AFF3: variants seen among roughly 807,000 people sequenced by gnomAD.
The protein encoded by AFF3 is ALF transcription elongation factor 3.
AFF3 carries 32 observed loss-of-function variants against 129.7 expected under a neutral mutation model. The observed-to-expected ratio is 0.25, with a 90% CI of 0.19 to 0.33. The LOEUF (loss-of-function observed/expected upper bound fraction) is 0.33. AFF3 is among the 10% of genes least tolerant of loss of function. The pLI is 1.00. For missense variants in AFF3, 1,373 were observed against 1,592.0 expected (o/e 0.86, Z 2.34); for synonymous variants, 644 against 635.4 (o/e 1.01, Z -0.20).
At position 100,093,959 on chromosome 2, in the gene AFF3, T is replaced by C. The variant is rs777018156; in HGVS notation, c.53+10443A>G. Among the ~76,000 whole-genome samples the C allele has an allele frequency of 5.3e-5, 8 of 152,258 alleles. No homozygotes were observed. The Middle Eastern group carries it at 0.014, about 259-fold the overall frequency. On this transcript the variant is annotated intron_variant, in intron 4 of 24. Coordinates refer to ENST00000672756, the MANE Select transcript of AFF3 (RefSeq NM_001386135.1). ...ATCAAAACAGAGGGCCTACTGCACA[T>C]AGACATAGATGTGAGTTGGAGTAGT...
chr2:100,117,126 C>A (rs893153950), intron 2 of AFF3, among the ~76,000 whole-genome samples: 8 of 152,064 alleles, frequency 5.3e-5, no homozygotes, highest in African/African-American at 1.7e-4. Context: ...TCATTTTATT[C>A]ATCTTATTTG....
chr2:99,973,552 TG>T (rs1167277046), intron 7 of AFF3, among the ~76,000 whole-genome samples: 1 of 152,212 alleles, frequency 6.6e-6, no homozygotes, highest in Non-Finnish European at 1.5e-5. Context: ...CACTTAAAAT[TG>T]GACTCAAATT....
chr2:100,104,697 C>A, intron 3 of AFF3, 179 bp from the exon 4 acceptor site: 2 of 968,044 alleles, frequency 2.1e-6, no homozygotes. Flanking sequence ...CAGGCACACT[C>A]AAGAGAGAGC....
rs766408265 is a variant in AFF3, at chr2:100,126,341, C to T, written c.-145+2883G>A. Among the ~76,000 whole-genome samples the T allele has an allele frequency of 1.1e-4, 16 of 152,258 alleles. No homozygotes were observed. The East Asian group carries it at 1.7e-3, about 17-fold the overall frequency. On this transcript the variant is annotated intron_variant, in intron 2 of 24. Transcript: ENST00000672756. ...TACTGGGCTCTCAGGAGCATGAGGC[C>T]GGGCCAGCTGCCAAGGATAATTGTA...
intron 19 of AFF3, 71 bp downstream of exon 19, chr2:99,568,781 A>G (rs1246327123): frequency 4.9e-6 from 7 of 1,428,300 alleles, no homozygotes; most frequent in Non-Finnish European, 6.9e-6. Context: ...CCCCAGCTAT[A>G]TTGTCCCAGT....
At chr2:99,945,472 G>A (rs922043178) in intron 7 of AFF3, among the ~76,000 whole-genome samples, 1 of 152,084 alleles carries the variant, frequency 6.6e-6, no homozygotes, top group Admixed American at 6.6e-5. Context: ...GCATCCCAGG[G>A]GCTCCCACCC....
intron 7 of AFF3, among the ~76,000 whole-genome samples, chr2:99,881,786 C>G (rs191559231): frequency 1.3e-5 from 2 of 152,268 alleles, no homozygotes; most frequent in Admixed American, 1.3e-4. Context: ...AATGGCTAAG[C>G]AAACACCAGT....
chr2:99,764,570 G>A (rs1459248439), intron 8 of AFF3, among the ~76,000 whole-genome samples: 2 of 151,868 alleles, frequency 1.3e-5, no homozygotes, highest in Admixed American at 6.6e-5. Context: ...TTTATTCTTC[G>A]ATCCACCTGG....
At chr2:99,875,820 T>C (rs1692253190) in intron 7 of AFF3, among the ~76,000 whole-genome samples, 1 of 152,182 alleles carries the variant, frequency 6.6e-6, no homozygotes. Context: ...GCATGCACTT[T>C]GACATTTACC....
chr2:99,603,548 T>C (rs1266587067), intron 13 of AFF3, among the ~76,000 whole-genome samples: 1 of 152,148 alleles, frequency 6.6e-6, no homozygotes, highest in African/African-American at 2.4e-5. Flanking sequence ...ACCTAGGCAA[T>C]ACCATTCAGG....
intron 13 of AFF3, among the ~76,000 whole-genome samples, chr2:99,614,000 A>G (rs1353511508): frequency 6.6e-6 from 1 of 152,218 alleles, no homozygotes; most frequent in Non-Finnish European, 1.5e-5. Context: ...ATAGCTTAGC[A>G]CATGTGGAAA....
chr2:100,038,652 C>T (rs561211807), intron 4 of AFF3, among the ~76,000 whole-genome samples: 3 of 151,874 alleles, frequency 2.0e-5, no homozygotes, highest in South Asian at 4.2e-4. Flanking sequence ...TGCCACATAA[C>T]GAAGCATTTA....
intron 8 of AFF3, among the ~76,000 whole-genome samples, chr2:99,790,459 A>G (rs1202831442): frequency 2.0e-5 from 3 of 152,238 alleles, no homozygotes; most frequent in Non-Finnish European, 4.4e-5. Flanking sequence ...TCTCTTTGCA[A>G]AGGAACCCTG....
intron 8 of AFF3, among the ~76,000 whole-genome samples, chr2:99,836,584 G>A (rs1453013715): frequency 6.6e-6 from 1 of 151,726 alleles, no homozygotes; most frequent in East Asian, 1.9e-4. Context: ...AAAACATCTG[G>A]CCTTTTAAAA....
At chr2:100,117,846 T>C (rs914815880) in intron 2 of AFF3, among the ~76,000 whole-genome samples, 11 of 152,244 alleles carry the variant, frequency 7.2e-5, no homozygotes, top group Admixed American at 3.3e-4. Context: ...TTTTAAAGTA[T>C]ACTGCAATCC....
chr2:99,714,270 A>C (rs1158144500), intron 11 of AFF3, among the ~76,000 whole-genome samples: 1 of 152,150 alleles, frequency 6.6e-6, no homozygotes, highest in Non-Finnish European at 1.5e-5. Flanking sequence ...CTTGGTAGGC[A>C]AAGGCTGGTC....
chr2:100,036,351 C>T (rs183398684), intron 4 of AFF3, among the ~76,000 whole-genome samples: 1 of 152,088 alleles, frequency 6.6e-6, no homozygotes, highest in East Asian at 1.9e-4. Context: ...TAAAACCTAA[C>T]TTCATATAAT....
chr2:99,983,236 A>T (rs1679570911), intron 7 of AFF3, among the ~76,000 whole-genome samples: 2 of 152,344 alleles, frequency 1.3e-5, no homozygotes, highest in African/African-American at 4.8e-5. Flanking sequence ...GCTACCAGCT[A>T]TCCAATGGCA....
At chr2:99,636,709 C>T (rs1222951929) in intron 13 of AFF3, among the ~76,000 whole-genome samples, 2 of 152,154 alleles carry the variant, frequency 1.3e-5, no homozygotes, top group African/African-American at 2.4e-5. Flanking sequence ...GAGGACACGA[C>T]GTGGCAGTGG....
Sources: gnomAD v4.1 joint callset for allele counts (sites outside exome capture counted in the v4.1 genomes callset) on GRCh38, gnomAD v4.1.1 for gene constraint, MANE v1.5 for transcripts, NCBI Gene and HGNC (gene_info 2026-07-23, HGNC 2026-07-21) for gene names.